The following VWF variants were observed in gnomAD, a reference collection of about 807,000 sequenced individuals.
The protein encoded by VWF is Factor VIII related antigen.
In VWF, 176 loss-of-function variants were observed where a neutral mutation model predicts 308.6. The ratio of observed to expected loss-of-function variants is 0.57; its 90% CI spans 0.50 to 0.65. The LOEUF (loss-of-function observed/expected upper bound fraction) is 0.65. Among genes scored for constraint, VWF ranks in the 30% least tolerant of loss-of-function variants. The probability of loss-of-function intolerance (pLI) is 0.00; values close to 1 mark genes in which losing one functional copy is unlikely to be tolerated. For synonymous variants in VWF, 1,385 were observed against 1,443.4 expected, an observed-to-expected ratio of 0.96 and a Z score of 0.92; for missense variants, 3,146 against 3,648.2, an observed-to-expected ratio of 0.86 and a Z score of 3.55.
chr12:6,096,401 G>A (rs1945106498), intron 5 of VWF, among the ~76,000 whole-genome samples: 2 of 152,170 alleles, frequency 1.3e-5, no homozygotes. Flanking sequence ...ACCCCAGCCT[G>A]TATGGGTGTC....
intron 5 of VWF, among the ~76,000 whole-genome samples, chr12:6,102,436 T>G (rs1945174733): frequency 7.2e-6 from 1 of 138,106 alleles, no homozygotes. Context: ...AGTAAGACTG[T>G]CTCAAAAAAA....
intron 10 of VWF, 61 bp downstream of exon 10, chr12:6,071,232 AAGAG>A: frequency 6.3e-7 from 1 of 1,585,198 alleles, no homozygotes; most frequent in East Asian, 2.2e-5. Flanking sequence ...CCTGTCTGGT[AAGAG>A]AGGAGGAGAC....
rs1412877885 is a variant in VWF, at chr12:5,982,036, G to A, written c.7082-45C>T. ...ACACTGAGCACTGCGCCCAGCCAGG[G>A]CTCGTAAGTATTCAGCTATGCTATA... On this transcript the variant is annotated intron_variant, in intron 41 of 51. Transcript: ENST00000261405. The A allele has an allele frequency of 3.8e-6, 6 of 1,591,438 alleles. No homozygotes were observed. In the African/African-American group the frequency reaches 8.0e-5, roughly 21 times the overall value.
Position 6,040,896 on chromosome 12 carries a change from C to T in VWF, c.2442+3395G>A, listed in dbSNP as rs531315997. Among the ~76,000 whole-genome samples, 155 of 152,270 alleles carry T rather than the reference C, an allele frequency of 1.0e-3. 2 individuals are homozygous for T. The highest frequency in any genetic ancestry group is 3.6e-3 in the African/African-American group (151 of 41,564). ...ATATTTTCAAACAGGTGCTTCTGGG[C>T]ATACGGTGGACACTGAGAGGCACCT... On this transcript the variant is annotated intron_variant, in intron 18 of 51. Coordinates refer to ENST00000261405, the MANE Select transcript of VWF (RefSeq NM_000552.5).
At position 5,949,020 on chromosome 12, in the gene VWF, T is replaced by C; in HGVS notation, c.8437A>G (p.Lys2813Glu). 6.2e-7 allele frequency: 1 copy of C among 1,612,892 alleles called. No individual in the cohort carries two copies. Among genetic ancestry groups the C allele is most frequent in the Non-Finnish European group, 8.5e-7 (1 of 1,179,534 alleles). Reference protein sequence around the residue: ...ECKCSPRKCSK With the variant: ...ECKCSPRKCSE ...CCCATGCAGCTGCAGCAGCCTCACT[T>C]GCTGCACTTCCTGGGGGAGCATTTG... is the stretch of plus-strand genomic sequence containing the variant. Residue 2813 changes from lysine (K) to glutamate (E), a missense_variant, in exon 52 of 52, where the codon AAG (lysine) becomes GAG (glutamate). Physicochemically the swap from Lys to Glu is moderately conservative, Grantham distance 56. Around this residue, in one of 3 missense-constraint regions of VWF, gnomAD observed 989 missense variants for 1,117.4 expected, o/e 0.89. Coordinates refer to ENST00000261405, the MANE Select transcript of VWF (RefSeq NM_000552.5).
intron 34 of VWF, among the ~76,000 whole-genome samples, chr12:6,006,423 G>A (rs1243826382): frequency 6.6e-6 from 1 of 152,132 alleles, no homozygotes; most frequent in Non-Finnish European, 1.5e-5. Context: ...GTTACTTTAA[G>A]TATAAGTAGA....
Position 5,967,532 on chromosome 12 carries a change from C to A in VWF, c.7841G>T (p.Gly2614Val), listed in dbSNP as rs866581131. Residue 2614 changes from glycine (G) to valine (V), a missense_variant, in exon 47 of 52, where the codon GGA becomes GTA. Gly to Val is a moderately radical substitution (Grantham distance 109). This residue lies in a region of VWF where 989 missense variants were observed against 1,117.4 expected (regional missense o/e 0.89). Coordinates refer to ENST00000261405, the MANE Select transcript of VWF (RefSeq NM_000552.5). ...GGTCTTCCTGCACTCCAGCTTGAAT[C>A]CAGAGATGACCCCCACCTGCACCAT... Reference protein sequence around the residue: ...RCMVQVGVISGFKLECRKTTC... With the variant: ...RCMVQVGVISVFKLECRKTTC... The A allele has an allele frequency of 6.2e-7, 1 of 1,614,138 alleles. No homozygotes were observed. Among genetic ancestry groups the A allele is most frequent in the East Asian group, 2.2e-5 (1 of 44,874 alleles).
intron 47 of VWF, among the ~76,000 whole-genome samples, chr12:5,960,604 A>T (rs899458809): frequency 6.6e-6 from 1 of 152,208 alleles, no homozygotes; most frequent in Non-Finnish European, 1.5e-5. Context: ...GAGCAAATAG[A>T]TCTAGCACTG....
chr12:6,101,662 G>C (rs1160638687), intron 5 of VWF, among the ~76,000 whole-genome samples: 1 of 152,082 alleles, frequency 6.6e-6, no homozygotes, highest in African/African-American at 2.4e-5. Context: ...TGTAGTCCCA[G>C]TTATTCAGGA....
intron 15 of VWF, 94 bp downstream of exon 15, chr12:6,056,763 C>T (rs1011050565): frequency 8.8e-7 from 1 of 1,142,694 alleles, no homozygotes; most frequent in South Asian, 2.5e-5. Context: ...CGCCCTCTTT[C>T]CACAGGAAAC....
chr12:5,991,769 G>T, intron 38 of VWF, 50 bp downstream of exon 38: 1 of 1,595,364 alleles, frequency 6.3e-7, no homozygotes, highest in South Asian at 1.1e-5. Flanking sequence ...TCTCCCTTTT[G>T]ACCCAAGAGG....
chr12:6,071,270 G>T lies in VWF; in HGVS notation c.1156+27C>A, dbSNP rs112753580. ...ACGCCTCCCCGATTCAGGGAAGGAG[G>T]AAGAGAATGAGCGGCAGGTCGCCTA... On this transcript the variant is annotated intron_variant, in intron 10 of 51. Coordinates refer to ENST00000261405, the MANE Select transcript of VWF (RefSeq NM_000552.5). The T allele has an allele frequency of 8.1e-6, 13 of 1,613,716 alleles. No individual in the cohort carries two copies. The African/African-American group carries it at 9.3e-5, about 12-fold the overall frequency.
intron 13 of VWF, among the ~76,000 whole-genome samples, chr12:6,062,398 C>T (rs1944664052): frequency 1.3e-5 from 2 of 151,088 alleles, no homozygotes; most frequent in African/African-American, 4.9e-5. Flanking sequence ...GTAATATTTG[C>T]ACTGTCCACC....
intron 34 of VWF, among the ~76,000 whole-genome samples, chr12:6,004,591 T>C (rs1279964509): frequency 1.3e-5 from 2 of 152,034 alleles, no homozygotes; most frequent in East Asian, 1.9e-4. Flanking sequence ...AAAACAATTC[T>C]ATTTGCAAAT....
intron 45 of VWF, 118 bp from the exon 46 acceptor site, chr12:5,968,285 C>G (rs559952928): frequency 3.9e-6 from 5 of 1,282,784 alleles, no homozygotes; most frequent in African/African-American, 1.5e-5. Context: ...CTGTATCGGT[C>G]GGCCCTTTCC....
chr12:5,990,815 G>A (rs1478304277), intron 38 of VWF, among the ~76,000 whole-genome samples: 7 of 135,498 alleles, frequency 5.2e-5, no homozygotes, highest in African/African-American at 8.8e-5. Context: ...AGGCCAAGAC[G>A]GAGGAGTCTG....
At chr12:5,957,001 G>T (rs1748423109) in intron 47 of VWF, among the ~76,000 whole-genome samples, 1 of 151,924 alleles carries the variant, frequency 6.6e-6, no homozygotes, top group Admixed American at 6.6e-5. Context: ...TCCATTCTTG[G>T]TAAGTGCCCT....
rs1211659108 is a variant in VWF at position 6,020,827 on chromosome 12, T to G, written c.3674+1073A>C. Among the ~76,000 whole-genome samples the G allele has an allele frequency of 1.3e-5, 2 of 152,246 alleles. No homozygotes were observed. Among genetic ancestry groups the G allele is most frequent in the African/African-American group, 4.8e-5 (2 of 41,460 alleles). On this transcript the variant is annotated intron_variant, in intron 27 of 51. Coordinates refer to ENST00000261405, the MANE Select transcript of VWF (RefSeq NM_000552.5). This position sits in a 1 kb window ranked among gnomAD's most constrained non-coding sequence, Gnocchi z 4.3. ...TGTGGGACTTCTGTCCACACACTGC[T>G]TGCAGCTTCAGCGTGCACCGTGGCA...
At chr12:5,974,487 A>G (rs1943511082) in intron 43 of VWF, among the ~76,000 whole-genome samples, 1 of 152,194 alleles carries the variant, frequency 6.6e-6, no homozygotes, top group South Asian at 2.1e-4. Context: ...CAGGACCTGC[A>G]GCTCCCCCAA....
Sources: allele counts gnomAD v4.1 joint callset (sites outside exome capture counted in the v4.1 genomes callset), GRCh38; gene constraint gnomAD v4.1.1; regional missense constraint gnomAD v4.1.1; non-coding constraint Gnocchi (gnomAD v3.1); transcripts MANE v1.5; gene names NCBI Gene and HGNC (gene_info 2026-07-23, HGNC 2026-07-21).